Variants in ADGRE2 observed in about 807,000 individuals in gnomAD.
ADGRE2 encodes adhesion G protein-coupled receptor E2.
A neutral mutation model predicts 100.8 loss-of-function variants in ADGRE2; 83 were observed. That is an observed-to-expected ratio of 0.82 (90% CI 0.69 to 0.99). The LOEUF (loss-of-function observed/expected upper bound fraction) is 0.99, where lower values mean the gene tolerates loss of function less well. ADGRE2 is among the 50% of genes least tolerant of loss of function. The probability of loss-of-function intolerance (pLI) is 0.00; values close to 1 mark genes in which losing one functional copy is unlikely to be tolerated. For missense variants in ADGRE2, 814 were observed against 1,035.7 expected (o/e 0.79, Z 2.94); for synonymous variants, 355 against 413.0 (o/e 0.86, Z 1.70).
At chr19:14,743,300 C>T (rs945540969) in intron 20 of ADGRE2, 120 bp downstream of exon 20, 88 of 784,278 alleles carry the variant, frequency 1.1e-4, no homozygotes, top group Non-Finnish European at 1.1e-4. Context: ...TCAAGGCGTA[C>T]TCAGATGCGA....
intron 20 of ADGRE2, among the ~76,000 whole-genome samples, chr19:14,739,360 G>C (rs2042857027): frequency 6.6e-6 from 1 of 152,130 alleles, no homozygotes; most frequent in Non-Finnish European, 1.5e-5. Flanking sequence ...GGATTTTCTT[G>C]GTCCTTTGTC....
At chr19:14,741,642 A>ATT (rs966185153) in intron 20 of ADGRE2, 4 of 125,048 alleles carry the variant, frequency 3.2e-5, no homozygotes, top group Non-Finnish European at 4.9e-5. Flanking sequence ...ACGCCTGGCT[A>ATT]TTTTTTTTTT....
intron 20 of ADGRE2, 151 bp downstream of exon 20, chr19:14,743,269 T>A (rs2042983288): frequency 5.8e-6 from 4 of 689,790 alleles, no homozygotes; most frequent in Non-Finnish European, 1.1e-5. Flanking sequence ...TAAACTGAGA[T>A]CATTGCTAAT....
Position 14,765,531 on chromosome 19 carries a change from T to C in ADGRE2, c.821A>G (p.His274Arg). Reference protein sequence around the residue: ...FSTWTPPPGVHSQTLSRFFDK... With the variant: ...FSTWTPPPGVRSQTLSRFFDK... ...CCTGTGGGGGCCACTCACCTGGCTGTGGACTCCAGGGGGCGGGGTCCAGGT... is the reference window on the plus strand; with the variant it reads ...CCTGTGGGGGCCACTCACCTGGCTGCGGACTCCAGGGGGCGGGGTCCAGGT... Residue 274 changes from histidine to arginine, a missense_variant, in exon 9 of 21, where the codon CAC (histidine) becomes CGC (arginine). This residue lies in a region of ADGRE2 where 569 missense variants were observed against 692.7 expected (regional missense o/e 0.82). Coordinates refer to ENST00000315576, the MANE Select transcript of ADGRE2 (RefSeq NM_013447.4). 14 of 1,613,960 alleles carry C rather than the reference T, an allele frequency of 8.7e-6. No individual in the cohort carries two copies. Among genetic ancestry groups the C allele is most frequent in the Non-Finnish European group, 1.2e-5 (14 of 1,179,812 alleles).
In ADGRE2 at chr19:14,759,503, A is replaced by ATATTTT. The variant is rs60789454; in HGVS notation, c.1085-3159_1085-3158insAAAATA. 8.6e-3 allele frequency among the ~76,000 whole-genome samples: 1,153 copies of ATATTTT among 133,358 alleles called. 16 individuals carry two copies. Among genetic ancestry groups the ATATTTT allele is most frequent in the East Asian group, 0.041 (183 of 4,516 alleles). The allele number at this position is 133,358 out of a possible 152,430, so 87.5% of individuals were successfully genotyped here. ...ATAAGTTATACATATATATATATAT[A>ATATTTT]TTTTTTTTTTTTAGACGGAGTCTCA... On this transcript the variant is annotated intron_variant, in intron 11 of 20. Transcript: ENST00000315576.
At chr19:14,748,704 A>G (rs969139855) in intron 16 of ADGRE2, among the ~76,000 whole-genome samples, 5 of 152,174 alleles carry the variant, frequency 3.3e-5, no homozygotes, top group African/African-American at 9.7e-5. Flanking sequence ...TGGTAGCTCT[A>G]TGGTTAACTT....
intron 16 of ADGRE2, among the ~76,000 whole-genome samples, chr19:14,748,057 G>A (rs1173612595): frequency 6.6e-6 from 1 of 152,022 alleles, no homozygotes; most frequent in Non-Finnish European, 1.5e-5. Context: ...GCGGTTTGGT[G>A]TACAGATTAT....
chr19:14,769,643 C>A (rs1365521943), intron 5 of ADGRE2, among the ~76,000 whole-genome samples: 1 of 152,210 alleles, frequency 6.6e-6, no homozygotes, highest in Non-Finnish European at 1.5e-5. Flanking sequence ...TATCCACCAA[C>A]TAAGCCCCCT....
intron 20 of ADGRE2, among the ~76,000 whole-genome samples, chr19:14,736,872 C>CTATATATTTAGAAATATA (rs1568573111): frequency 2.9e-5 from 4 of 137,728 alleles, no homozygotes; most frequent in African/African-American, 8.0e-5. Context: ...TATTTAATAT[C>CTATATATTTAGAAATATA]TATATATTTA....
At chr19:14,769,197 C>T (rs2044101498) in intron 5 of ADGRE2, among the ~76,000 whole-genome samples, 1 of 145,332 alleles carries the variant, frequency 6.9e-6, no homozygotes, top group African/African-American at 2.7e-5. Context: ...CGAGACCAGC[C>T]TGGACAACAT....
intron 2 of ADGRE2, among the ~76,000 whole-genome samples, chr19:14,775,854 G>A (rs1382081581): frequency 1.0e-4 from 7 of 66,904 alleles, no homozygotes; most frequent in African/African-American, 1.4e-4. Flanking sequence ...GCAAGGCTCC[G>A]CCTCAGAAAA....
chr19:14,774,003 C>T lies in ADGRE2; in HGVS notation c.134G>A (p.Cys45Tyr), dbSNP rs764094291. The change falls in exon 4 of 21, where the codon TGT becomes TAT. Residue 45 changes from cysteine (C) to tyrosine (Y), a missense_variant. Cys to Tyr is a radical substitution (Grantham distance 194). Coordinates refer to ENST00000315576, the MANE Select transcript of ADGRE2 (RefSeq NM_013447.4). Reference protein sequence around the residue: ...QDSSCVNATACRCNPGFSSFS... With the variant: ...QDSSCVNATAYRCNPGFSSFS... ...AGAGCTGAACCCTGGATTGCAGCGACAGGCGGTGGCATTGACACACGAGGA... is the reference window on the plus strand; with the variant it reads ...AGAGCTGAACCCTGGATTGCAGCGATAGGCGGTGGCATTGACACACGAGGA... 6.2e-7 allele frequency: 1 copy of T among 1,614,110 alleles called. No homozygotes were observed. Among genetic ancestry groups the T allele is most frequent in the South Asian group, 1.1e-5 (1 of 91,078 alleles).
intron 1 of ADGRE2, among the ~76,000 whole-genome samples, chr19:14,777,951 A>G (rs2044493424): frequency 1.3e-5 from 2 of 152,210 alleles, no homozygotes; most frequent in Non-Finnish European, 2.9e-5. Context: ...ACCGCAATAA[A>G]CATACATGTG....
At chr19:14,756,794 C>G (rs991839758) in intron 11 of ADGRE2, among the ~76,000 whole-genome samples, 6 of 151,822 alleles carry the variant, frequency 4.0e-5, no homozygotes, top group Admixed American at 3.9e-4. Flanking sequence ...GAAGACATCA[C>G]AAGAAAATAA....
intron 11 of ADGRE2, among the ~76,000 whole-genome samples, chr19:14,757,923 C>T (rs891628692): frequency 6.6e-6 from 1 of 152,224 alleles, no homozygotes; most frequent in African/African-American, 2.4e-5. Context: ...CCTGCCTCAG[C>T]CTCCTGAGTA....
At chr19:14,766,907 C>T (rs2044002869) in intron 6 of ADGRE2, 71 bp downstream of exon 6, 2 of 1,562,822 alleles carry the variant, frequency 1.3e-6, no homozygotes, top group Non-Finnish European at 8.7e-7. Context: ...TCCTCGGCTG[C>T]TTTGGAGGAC....
chr19:14,745,686 C>T (rs947805094), intron 18 of ADGRE2, among the ~76,000 whole-genome samples: 6 of 151,258 alleles, frequency 4.0e-5, no homozygotes, highest in Admixed American at 4.0e-4. Context: ...CTCACCGCAA[C>T]CTCCGCCTCC....
intron 7 of ADGRE2, 76 bp downstream of exon 7, chr19:14,766,159 T>C (rs2147433543): frequency 6.2e-7 from 1 of 1,606,254 alleles, no homozygotes; most frequent in Non-Finnish European, 8.5e-7. Context: ...TCATTCTGCT[T>C]GGTTTGTGTG....
At chr19:14,754,816 G>A in intron 14 of ADGRE2, 138 bp downstream of exon 14, 2 of 925,332 alleles carry the variant, frequency 2.2e-6, no homozygotes. Context: ...ACCCTGAGCA[G>A]AAAAGCCATC....
Sources: allele counts gnomAD v4.1 joint callset (sites outside exome capture counted in the v4.1 genomes callset), GRCh38; gene constraint gnomAD v4.1.1; regional missense constraint gnomAD v4.1.1; transcripts MANE v1.5; gene names NCBI Gene and HGNC (gene_info 2026-07-23, HGNC 2026-07-21).